Variants in BFSP2 observed in about 807,000 individuals in gnomAD.
BFSP2 encodes phakinin.
In BFSP2, 38 loss-of-function variants were observed where a neutral mutation model predicts 44.9. The observed-to-expected ratio is 0.85, with a 90% CI of 0.65 to 1.11. BFSP2 has a LOEUF of 1.11. BFSP2 is among the 50% of genes least tolerant of loss of function. The pLI is 0.00. For synonymous variants in BFSP2, 197 were observed against 209.9 expected (o/e 0.94, Z 0.53); for missense variants, 525 against 533.0 (o/e 0.99, Z 0.15).
intron 1 of BFSP2, among the ~76,000 whole-genome samples, chr3:133,446,819 C>T (rs889470366): frequency 1.3e-5 from 2 of 151,160 alleles, no homozygotes; most frequent in African/African-American, 4.9e-5. Flanking sequence ...TCTAGAGCCA[C>T]GCTGCCCAAT....
At chr3:133,447,191 A>C in intron 1 of BFSP2, 126 bp from the exon 2 acceptor site, 1 of 893,136 alleles carries the variant, frequency 1.1e-6, no homozygotes, top group African/African-American at 1.7e-5. Context: ...TAATTCCACA[A>C]ATATTTGCTG....
Position 133,433,166 on chromosome 3 carries a change from C to A in BFSP2, c.490-14151C>A, listed in dbSNP as rs559614821. Among the ~76,000 whole-genome samples the A allele has an allele frequency of 5.9e-5, 9 of 152,308 alleles. No homozygotes were observed. In the South Asian group the frequency reaches 1.7e-3, roughly 28 times the overall value. Reference sequence around the variant, plus strand: ...CTCCCACATTATTCCTGATACCACACCTGACCCCCATGACTGTATCTCTCT... The same window carrying A: ...CTCCCACATTATTCCTGATACCACAACTGACCCCCATGACTGTATCTCTCT... On this transcript the variant is annotated intron_variant, in intron 1 of 6. Transcript: ENST00000302334.
At chr3:133,464,482 C>A (rs1459800480) in intron 4 of BFSP2, among the ~76,000 whole-genome samples, 1 of 152,190 alleles carries the variant, frequency 6.6e-6, no homozygotes, top group African/African-American at 2.4e-5. Flanking sequence ...GTGCTTGGCA[C>A]AGAATAAGTG....
intron 1 of BFSP2, among the ~76,000 whole-genome samples, chr3:133,419,718 C>A (rs1006301191): frequency 6.6e-6 from 1 of 152,262 alleles, no homozygotes; most frequent in Non-Finnish European, 1.5e-5. Flanking sequence ...CATCAGATGG[C>A]TCAGAACTGA....
At chr3:133,447,856 T>A (rs1468686631) in intron 2 of BFSP2, among the ~76,000 whole-genome samples, 1 of 152,208 alleles carries the variant, frequency 6.6e-6, no homozygotes, top group East Asian at 1.9e-4. Context: ...ACCTGGGCAC[T>A]TAAAAATGTC....
Position 133,436,465 on chromosome 3 carries a change from T to C in BFSP2, c.490-10852T>C, listed in dbSNP as rs74897885. 4.3e-3 allele frequency among the ~76,000 whole-genome samples: 651 copies of C among 152,288 alleles called. 6 individuals are homozygous for C. Among genetic ancestry groups the C allele is most frequent in the East Asian group, 0.027 (142 of 5,186 alleles). ...AGGCATAGGTTGCTTCCAATTTTTC[T>C]ATCACAAACAAGAGAGAGCATAAGC... On this transcript the variant is annotated intron_variant, in intron 1 of 6. Transcript: ENST00000302334.
At chr3:133,409,129 C>T (rs2073427320) in intron 1 of BFSP2, among the ~76,000 whole-genome samples, 1 of 152,142 alleles carries the variant, frequency 6.6e-6, no homozygotes, top group South Asian at 2.1e-4. Context: ...TTTAACTGTA[C>T]ATTCCTAGTG....
At chr3:133,423,540 G>A (rs1180658245) in intron 1 of BFSP2, among the ~76,000 whole-genome samples, 2 of 151,596 alleles carry the variant, frequency 1.3e-5, no homozygotes, top group African/African-American at 4.9e-5. Context: ...TTTGGGGGCG[G>A]GCGGTGGGGT....
chr3:133,443,142 G>A (rs1180919638), intron 1 of BFSP2, among the ~76,000 whole-genome samples: 1 of 152,158 alleles, frequency 6.6e-6, no homozygotes, highest in Non-Finnish European at 1.5e-5. Flanking sequence ...TTCCAGGCGT[G>A]AGCCACCGCA....
intron 1 of BFSP2, among the ~76,000 whole-genome samples, chr3:133,414,518 T>C (rs1210554946): frequency 4.9e-5 from 1 of 20,418 alleles, no homozygotes; most frequent in Non-Finnish European, 9.0e-5. Flanking sequence ...CCCCTCTACC[T>C]GCCCCTGCCC....
At chr3:133,440,804 T>C (rs1263492855) in intron 1 of BFSP2, among the ~76,000 whole-genome samples, 1 of 152,144 alleles carries the variant, frequency 6.6e-6, no homozygotes, top group Non-Finnish European at 1.5e-5. Context: ...CCCTCTACAA[T>C]GACGTTCCTT....
At chr3:133,409,199 G>A (rs2073428041) in intron 1 of BFSP2, among the ~76,000 whole-genome samples, 1 of 150,862 alleles carries the variant, frequency 6.6e-6, no homozygotes, top group African/African-American at 2.4e-5. Context: ...ATTGGTGGTG[G>A]TAGCACTGGC....
chr3:133,407,081 AAAAT>A (rs2073411107), intron 1 of BFSP2, among the ~76,000 whole-genome samples: 1 of 152,138 alleles, frequency 6.6e-6, no homozygotes, highest in South Asian at 2.1e-4. Context: ...CTCTAAAAGA[AAAAT>A]AAATAAATAA....
At chr3:133,409,728 G>C (rs1338370250) in intron 1 of BFSP2, among the ~76,000 whole-genome samples, 3 of 152,302 alleles carry the variant, frequency 2.0e-5, no homozygotes, top group Admixed American at 6.5e-5. Context: ...AGATGGTTGG[G>C]AATCAATAAG....
At chr3:133,427,414 T>A (rs759457465) in intron 1 of BFSP2, among the ~76,000 whole-genome samples, 2 of 152,256 alleles carry the variant, frequency 1.3e-5, no homozygotes, top group African/African-American at 4.8e-5. Context: ...ATAAATACGA[T>A]GTCTGGTGAA....
intron 6 of BFSP2, among the ~76,000 whole-genome samples, chr3:133,474,455 G>T (rs1266360107): frequency 6.6e-6 from 1 of 152,146 alleles, no homozygotes; most frequent in Non-Finnish European, 1.5e-5. Context: ...ACCTAACCAC[G>T]CCCTGCTTTC....
rs2074025283 is a variant in BFSP2, at chr3:133,457,752, C to T, written c.891+7288C>T. On this transcript the variant is annotated intron_variant, in intron 4 of 6. Coordinates refer to ENST00000302334, the MANE Select transcript of BFSP2 (RefSeq NM_003571.4). ...ATCATCTATGGCTGCATTTGCACTA[C>T]ACAAGTGGAGTTCAATAGTTGCAAC... Among the ~76,000 whole-genome samples, 4 of 152,182 alleles carry T rather than the reference C, an allele frequency of 2.6e-5. No homozygotes were observed. The South Asian group carries it at 8.3e-4, about 32-fold the overall frequency.
At chr3:133,426,486 G>C (rs1047649) in intron 1 of BFSP2, among the ~76,000 whole-genome samples, 25,028 of 152,160 alleles carry the variant, frequency 0.16, 2,817 homozygotes, top group African/African-American at 0.32. Context: ...TAGACTTTTA[G>C]AGAATTACAC....
intron 5 of BFSP2, among the ~76,000 whole-genome samples, chr3:133,467,525 T>G (rs537158680): frequency 1.3e-5 from 2 of 152,252 alleles, no homozygotes; most frequent in African/African-American, 4.8e-5. Flanking sequence ...CCAGGATCCC[T>G]AACTCAGGCT....
Sources: gnomAD v4.1 joint callset for allele counts (sites outside exome capture counted in the v4.1 genomes callset) on GRCh38, gnomAD v4.1.1 for gene constraint, MANE v1.5 for transcripts, NCBI Gene and HGNC (gene_info 2026-07-23, HGNC 2026-07-21) for gene names.